TMEM132D: variants seen among roughly 807,000 people sequenced by gnomAD.
The protein encoded by TMEM132D is transmembrane protein 132D.
TMEM132D carries 21 observed loss-of-function variants against 62.3 expected under a neutral mutation model. The ratio of observed to expected loss-of-function variants is 0.34; its 90% CI spans 0.24 to 0.49. The LOEUF (loss-of-function observed/expected upper bound fraction) is 0.49, where lower values mean the gene tolerates loss of function less well. Ranked by LOEUF, TMEM132D falls within the 20% of genes least tolerant of loss-of-function variation. The pLI, the probability that TMEM132D is intolerant of heterozygous loss-of-function variation, is 0.99. For synonymous variants in TMEM132D, 621 were observed against 575.6 expected (o/e 1.08, Z -1.13); for missense variants, 1,346 against 1,402.8 (o/e 0.96, Z 0.65).
intron 1 of TMEM132D, among the ~76,000 whole-genome samples, chr12:129,820,510 CA>C (rs1343664454): frequency 1.3e-5 from 2 of 152,166 alleles, no homozygotes; most frequent in Middle Eastern, 3.2e-3. Context: ...GATGCAGACA[CA>C]AGGTTATTTG....
chr12:129,694,800 A>G lies in TMEM132D; in HGVS notation c.968+5010T>C, dbSNP rs1421710665. ...GAGGCGGGCAGCTCACGAGGTCAGG[A>G]GATCGAGACCATCCTGGCTAACAAG... On this transcript the variant is annotated intron_variant, in intron 2 of 8. Transcript: ENST00000422113. 2.6e-5 allele frequency among the ~76,000 whole-genome samples: 4 copies of G among 152,288 alleles called. No individual in the cohort carries two copies. The East Asian group carries it at 7.7e-4, about 29-fold the overall frequency.
At chr12:129,573,212 A>G (rs1368759479) in intron 2 of TMEM132D, among the ~76,000 whole-genome samples, 7 of 152,032 alleles carry the variant, frequency 4.6e-5, no homozygotes. Context: ...CACTACTGTG[A>G]GGATGGTTGT....
intron 4 of TMEM132D, among the ~76,000 whole-genome samples, chr12:129,221,163 T>G (rs898858401): frequency 6.6e-6 from 1 of 152,146 alleles, no homozygotes; most frequent in Non-Finnish European, 1.5e-5. Context: ...CAATACAGCT[T>G]TCATGTTCAA....
At chr12:129,582,374 C>G (rs767510326) in intron 2 of TMEM132D, among the ~76,000 whole-genome samples, 3 of 152,158 alleles carry the variant, frequency 2.0e-5, no homozygotes, top group Non-Finnish European at 4.4e-5. Flanking sequence ...TACTTACCCC[C>G]CAGAGATGGG....
At chr12:129,439,714 G>A (rs937823692) in intron 3 of TMEM132D, among the ~76,000 whole-genome samples, 1 of 152,216 alleles carries the variant, frequency 6.6e-6, no homozygotes, top group Non-Finnish European at 1.5e-5. Flanking sequence ...CTCCCAAAGT[G>A]CTGGGATTAC....
intron 5 of TMEM132D, among the ~76,000 whole-genome samples, chr12:129,152,283 A>G (rs750137352): frequency 2.6e-5 from 4 of 152,208 alleles, no homozygotes; most frequent in Non-Finnish European, 4.4e-5. Flanking sequence ...GGGTGTTGTC[A>G]CAGAGCATTT....
chr12:129,470,944 G>C (rs1287923967), intron 3 of TMEM132D, among the ~76,000 whole-genome samples: 1 of 152,172 alleles, frequency 6.6e-6, no homozygotes, highest in African/African-American at 2.4e-5. Flanking sequence ...GAAGAGAGTA[G>C]AGATGACATC....
At chr12:129,689,684 G>A (rs1273509860) in intron 2 of TMEM132D, among the ~76,000 whole-genome samples, 2 of 152,132 alleles carry the variant, frequency 1.3e-5, no homozygotes, top group Non-Finnish European at 2.9e-5. Context: ...TACTGTCCTA[G>A]GGCTTCATGA....
chr12:129,705,603 T>C (rs1164888445), intron 1 of TMEM132D, among the ~76,000 whole-genome samples: 4 of 152,144 alleles, frequency 2.6e-5, no homozygotes, highest in Admixed American at 6.5e-5. Context: ...AAGAAACAAA[T>C]GTATACCATA....
intron 2 of TMEM132D, among the ~76,000 whole-genome samples, chr12:129,611,721 A>G (rs1878779290): frequency 6.6e-6 from 1 of 152,178 alleles, no homozygotes; most frequent in African/African-American, 2.4e-5. Flanking sequence ...AGTGCCTTGA[A>G]CTAGAGATAA....
chr12:129,689,058 G>A (rs943399514), intron 2 of TMEM132D, among the ~76,000 whole-genome samples: 3 of 152,132 alleles, frequency 2.0e-5, no homozygotes, highest in Non-Finnish European at 2.9e-5. Context: ...GCTTCTCAAC[G>A]TCCTACAATG....
At chr12:129,361,439 A>G (rs1263572196) in intron 3 of TMEM132D, among the ~76,000 whole-genome samples, 1 of 152,252 alleles carries the variant, frequency 6.6e-6, no homozygotes, top group Admixed American at 6.5e-5. Context: ...TTTAAAGCAT[A>G]GAGAGCAGCT....
chr12:129,815,934 C>T (rs561617518), intron 1 of TMEM132D, among the ~76,000 whole-genome samples: 1 of 152,306 alleles, frequency 6.6e-6, no homozygotes, highest in South Asian at 2.1e-4. Context: ...CCAGATAGCC[C>T]GGGAAACCTT....
rs1881352005 is a variant in TMEM132D at position 129,700,245 on chromosome 12, T to C, written c.533A>G (p.Glu178Gly). The C allele has an allele frequency of 1.9e-6, 3 of 1,612,952 alleles. No homozygotes were observed. The East Asian group carries it at 6.7e-5, about 36-fold the overall frequency. ...LRVFAFRETR[E>G]VRGSCRLQGD... ...CTGCAGCCGGCAGCTGCCCCGCACC[T>C]CTCGGGTCTCTCGGAAAGCAAAGAC... Residue 178 changes from glutamate (E) to glycine (G), a missense_variant, in exon 2 of 9, where the codon GAG becomes GGG. Coordinates refer to ENST00000422113, the MANE Select transcript of TMEM132D (RefSeq NM_133448.3).
intron 1 of TMEM132D, among the ~76,000 whole-genome samples, chr12:129,851,703 C>A (rs1446296197): frequency 6.6e-6 from 1 of 152,176 alleles, no homozygotes; most frequent in Non-Finnish European, 1.5e-5. Context: ...GCATGCTGCA[C>A]ACTGCAAAAC....
chr12:129,426,954 G>C (rs553694410), intron 3 of TMEM132D, among the ~76,000 whole-genome samples: 3 of 152,330 alleles, frequency 2.0e-5, no homozygotes, highest in African/African-American at 7.2e-5. Context: ...TACACAGCTA[G>C]AGAGCTATAG....
chr12:129,262,659 G>T (rs1400621576), intron 4 of TMEM132D: 1 of 152,156 alleles, frequency 6.6e-6, no homozygotes, highest in East Asian at 1.9e-4. Context: ...TTAAAACAAG[G>T]CAACATGGCC....
At chr12:129,619,525 T>A (rs1879007642) in intron 2 of TMEM132D, among the ~76,000 whole-genome samples, 1 of 152,188 alleles carries the variant, frequency 6.6e-6, no homozygotes, top group African/African-American at 2.4e-5. Context: ...TCCTAAGGGA[T>A]TCATTTGTCT....
At chr12:129,212,645 C>CTCTTT (rs1350419931) in intron 4 of TMEM132D, 1 of 152,212 alleles carries the variant, frequency 6.6e-6, no homozygotes, top group African/African-American at 2.4e-5. Context: ...AATAAAGGCA[C>CTCTTT]AGACTCTCTT....
Sources: gnomAD v4.1 joint callset for allele counts (sites outside exome capture counted in the v4.1 genomes callset) on GRCh38, gnomAD v4.1.1 for gene constraint, MANE v1.5 for transcripts, NCBI Gene and HGNC (gene_info 2026-07-23, HGNC 2026-07-21) for gene names.